SUSD4: variants seen among roughly 807,000 people sequenced by gnomAD.
SUSD4 encodes sushi domain containing 4.
A neutral mutation model predicts 50.5 loss-of-function variants in SUSD4; 41 were observed. The observed-to-expected ratio is 0.81, with a 90% CI of 0.63 to 1.05. The LOEUF (loss-of-function observed/expected upper bound fraction) is 1.05. Among genes scored for constraint, SUSD4 ranks in the 50% least tolerant of loss-of-function variants. SUSD4 has a pLI of 0.00. For synonymous variants in SUSD4, 257 were observed against 257.3 expected, an observed-to-expected ratio of 1.00 and a Z score of 0.01; for missense variants, 580 against 634.7, an observed-to-expected ratio of 0.91 and a Z score of 0.93.
In SUSD4 at chr1:223,223,568, C is replaced by T; in HGVS notation, c.1125G>A (p.Met375Ile). Residue 375 changes from methionine (M) to isoleucine (I), a missense_variant, in exon 8 of 9, where the codon ATG (methionine) becomes ATA (isoleucine). Met to Ile is a conservative substitution (Grantham distance 10). Coordinates refer to ENST00000366878, the MANE Select transcript of SUSD4 (RefSeq NM_017982.4). Reference sequence around the variant, plus strand: ...TCACAGCTTCGTCATAGGACGGGAGCATGACGGGCACGCCGTCTACCACCA... The same window carrying T: ...TCACAGCTTCGTCATAGGACGGGAGTATGACGGGCACGCCGTCTACCACCA... ...DFVVVDGVPV[M>I]LPSYDEAVSG... 1.3e-5 allele frequency: 21 copies of T among 1,613,344 alleles called. No individual in the cohort carries two copies. Among genetic ancestry groups the T allele is most frequent in the Non-Finnish European group, 1.8e-5 (21 of 1,179,778 alleles).
chr1:223,319,572 A>C (rs187479341), intron 2 of SUSD4, among the ~76,000 whole-genome samples: 2 of 152,294 alleles, frequency 1.3e-5, no homozygotes, highest in African/African-American at 4.8e-5. Flanking sequence ...CTCCTGGGTC[A>C]TCTTCATCTA....
chr1:223,293,472 C>T (rs1224094379), intron 2 of SUSD4, among the ~76,000 whole-genome samples: 1 of 152,122 alleles, frequency 6.6e-6, no homozygotes, highest in Non-Finnish European at 1.5e-5. Flanking sequence ...ACAGTGTCTT[C>T]TGTATTCAGT....
chr1:223,240,706 T>C (rs1203332470), intron 5 of SUSD4, among the ~76,000 whole-genome samples: 2 of 152,238 alleles, frequency 1.3e-5, no homozygotes, highest in Non-Finnish European at 2.9e-5. Context: ...TGCTGAATAT[T>C]TCCTCCATTA....
chr1:223,226,435 A>G (rs1304115508), intron 7 of SUSD4, among the ~76,000 whole-genome samples: 2 of 152,164 alleles, frequency 1.3e-5, no homozygotes, highest in African/African-American at 2.4e-5. Context: ...TTGTGACCAT[A>G]GCGGGTCCCT....
intron 2 of SUSD4, among the ~76,000 whole-genome samples, chr1:223,317,568 T>C (rs1350862125): frequency 6.6e-6 from 1 of 152,150 alleles, no homozygotes; most frequent in African/African-American, 2.4e-5. Flanking sequence ...CAGCAGAGTC[T>C]TTGGACGTTC....
intron 2 of SUSD4, among the ~76,000 whole-genome samples, chr1:223,337,766 T>C (rs1667539627): frequency 6.6e-6 from 1 of 152,196 alleles, no homozygotes; most frequent in Non-Finnish European, 1.5e-5. Context: ...GCTTTTGTTC[T>C]CAAGAGGAAG....
At chr1:223,346,997 T>C (rs1208349217) in intron 2 of SUSD4, among the ~76,000 whole-genome samples, 1 of 152,208 alleles carries the variant, frequency 6.6e-6, no homozygotes, top group Non-Finnish European at 1.5e-5. Context: ...TTTTTTTTCA[T>C]TCAACAAATG....
chr1:223,341,285 T>C (rs1004405898), intron 2 of SUSD4, among the ~76,000 whole-genome samples: 1 of 152,174 alleles, frequency 6.6e-6, no homozygotes, highest in African/African-American at 2.4e-5. Flanking sequence ...CAGGCACTGC[T>C]GCAATTAGCA....
At chr1:223,250,205 G>A (rs905962617) in intron 5 of SUSD4, among the ~76,000 whole-genome samples, 1 of 152,088 alleles carries the variant, frequency 6.6e-6, no homozygotes, top group African/African-American at 2.4e-5. Flanking sequence ...TACCTACATT[G>A]CAGGAAATTT....
At position 223,231,333 on chromosome 1, in the gene SUSD4, C is replaced by G. The variant is rs554580185; in HGVS notation, c.725-1945G>C. ...AGATCTGGTGCAGTGCAGGGAAGGT[C>G]CAGGGCAGATCTGAGGCTGGCAGGC... is the stretch of plus-strand genomic sequence containing the variant. On this transcript the variant is annotated intron_variant, in intron 5 of 8. Transcript: ENST00000366878. The surrounding 1 kb of genome is among the most constrained non-coding windows in gnomAD (Gnocchi z 4.2). Among the ~76,000 whole-genome samples the G allele has an allele frequency of 1.3e-5, 2 of 152,172 alleles. No individual in the cohort carries two copies. Among genetic ancestry groups the G allele is most frequent in the South Asian group, 4.2e-4 (2 of 4,812 alleles).
chr1:223,281,617 G>C (rs1025724770), intron 3 of SUSD4, among the ~76,000 whole-genome samples: 2 of 152,162 alleles, frequency 1.3e-5, no homozygotes, highest in Non-Finnish European at 2.9e-5. Context: ...ACCAAAAAGA[G>C]TTCAGGGCCA....
chr1:223,241,429 C>A (rs74145768), intron 5 of SUSD4, among the ~76,000 whole-genome samples: 1 of 152,192 alleles, frequency 6.6e-6, no homozygotes, highest in Non-Finnish European at 1.5e-5. Flanking sequence ...CCTTCCCCAA[C>A]CCCTGTCTTG....
In SUSD4 at chr1:223,229,429, C is replaced by G; in HGVS notation, c.725-41G>C. Reference sequence around the variant, plus strand: ...AGAATAAAAGTTTCAGAACCACAAGCTCACCTTTGTCTGAAGCCCCTAAGA... The same window carrying G: ...AGAATAAAAGTTTCAGAACCACAAGGTCACCTTTGTCTGAAGCCCCTAAGA... On this transcript the variant is annotated intron_variant, in intron 5 of 8. Transcript: ENST00000366878. This position sits in a 1 kb window ranked among gnomAD's most constrained non-coding sequence, Gnocchi z 4.7. 6.5e-7 allele frequency: 1 copy of G among 1,546,156 alleles called. No individual in the cohort carries two copies. Among genetic ancestry groups the G allele is most frequent in the Non-Finnish European group, 8.8e-7 (1 of 1,133,468 alleles).
chr1:223,272,140 T>G (rs1251399638), intron 3 of SUSD4, among the ~76,000 whole-genome samples: 1 of 152,202 alleles, frequency 6.6e-6, no homozygotes, highest in African/African-American at 2.4e-5. Context: ...GGCAGGAGAA[T>G]CGCTTGAACC....
At chr1:223,259,872 CCT>C (rs1366916408) in intron 5 of SUSD4, among the ~76,000 whole-genome samples, 2 of 152,108 alleles carry the variant, frequency 1.3e-5, no homozygotes, top group East Asian at 3.9e-4. Flanking sequence ...TGTGCTGGAG[CCT>C]CTCACACACA....
At position 223,229,105 on chromosome 1, in the gene SUSD4, A is replaced by C; in HGVS notation, c.916+92T>G. ...TGTTCCTGACACTGGGTGGGGGAGG[A>C]GAGATACAGCTTGGTACATAACCAC... is the stretch of plus-strand genomic sequence containing the variant. On this transcript the variant is annotated intron_variant, in intron 6 of 8. Coordinates refer to ENST00000366878, the MANE Select transcript of SUSD4 (RefSeq NM_017982.4). This position sits in a 1 kb window ranked among gnomAD's most constrained non-coding sequence, Gnocchi z 4.7. The C allele has an allele frequency of 7.8e-7, 1 of 1,277,134 alleles. No individual in the cohort carries two copies. The highest frequency in any genetic ancestry group is 1.1e-6 in the Non-Finnish European group (1 of 920,334). The allele number at this position is 1,277,134 out of a possible 1,614,324, so 79.1% of individuals were successfully genotyped here.
chr1:223,357,089 A>AG (rs1010592074), intron 2 of SUSD4, among the ~76,000 whole-genome samples: 3 of 152,188 alleles, frequency 2.0e-5, no homozygotes, highest in Non-Finnish European at 4.4e-5. Context: ...TTGGCAAAGC[A>AG]GGTAAGAGTC....
chr1:223,239,689 G>A (rs936177199), intron 5 of SUSD4, among the ~76,000 whole-genome samples: 6 of 151,622 alleles, frequency 4.0e-5, no homozygotes, highest in Non-Finnish European at 8.8e-5. Context: ...TACCATTGCT[G>A]TCATTCATCT....
At chr1:223,255,770 CCCTTTTCTT>C (rs1661645293) in intron 5 of SUSD4, among the ~76,000 whole-genome samples, 1 of 152,230 alleles carries the variant, frequency 6.6e-6, no homozygotes, top group African/African-American at 2.4e-5. Flanking sequence ...GCATTTGCTG[CCCTTTTCTT>C]CCTTTTCTGC....
Sources: allele counts gnomAD v4.1 joint callset (sites outside exome capture counted in the v4.1 genomes callset), GRCh38; gene constraint gnomAD v4.1.1; non-coding constraint Gnocchi (gnomAD v3.1); transcripts MANE v1.5; gene names NCBI Gene and HGNC (gene_info 2026-07-23, HGNC 2026-07-21).